PLAC8: variants seen among roughly 807,000 people sequenced by gnomAD.
PLAC8 encodes placenta associated 8, also known as placenta-specific gene 8 protein.
A neutral mutation model predicts 12.6 loss-of-function variants in PLAC8; 6 were observed. That is an observed-to-expected ratio of 0.48 (90% confidence interval 0.26 to 0.94). PLAC8 has a LOEUF of 0.94. Among genes scored for constraint, PLAC8 ranks in the 40% least tolerant of loss-of-function variants. The pLI is 0.14. For missense variants in PLAC8, 122 were observed against 152.7 expected (o/e 0.80, Z 1.06); for synonymous variants, 54 against 52.6 (o/e 1.03, Z -0.11).
chr4:83,111,196 T>A (rs1035555767), intron 1 of PLAC8, among the ~76,000 whole-genome samples: 2 of 152,214 alleles, frequency 1.3e-5, no homozygotes, highest in Admixed American at 1.3e-4. Context: ...CTTGAGCTCC[T>A]GGCCTCAAGT....
chr4:83,110,363 C>T (rs1019769335), intron 1 of PLAC8, among the ~76,000 whole-genome samples: 5 of 152,004 alleles, frequency 3.3e-5, no homozygotes, highest in Non-Finnish European at 4.4e-5. Flanking sequence ...CTCATGCCGC[C>T]AATCTCATGA....
intron 1 of PLAC8, among the ~76,000 whole-genome samples, chr4:83,110,071 G>T (rs1470527340): frequency 3.3e-5 from 5 of 152,032 alleles, no homozygotes. Flanking sequence ...AGCGGCAGGC[G>T]CCAGGAGCCG....
chr4:83,097,798 T>G (rs546447080), intron 3 of PLAC8, among the ~76,000 whole-genome samples: 1 of 151,956 alleles, frequency 6.6e-6, no homozygotes, highest in South Asian at 2.1e-4. Context: ...GGTAAAAGAT[T>G]ATAAGAAGGC....
rs777092085 is a variant in PLAC8 at position 83,107,773 on chromosome 4, A to C, written c.118+31T>G. 2.0e-5 allele frequency: 28 copies of C among 1,371,716 alleles called. No individual in the cohort carries two copies. In the Middle Eastern group the frequency reaches 1.3e-3, roughly 63 times the overall value. The allele number at this position is 1,371,716 out of a possible 1,614,324, so 85.0% of individuals were successfully genotyped here. A position where few individuals can be genotyped will look rare whatever the true frequency, so the allele number is the denominator to read the frequency against. ...GTCATTGGTAATTCACCTCGGTATC[A>C]AATAAGGGGGTTCTTTCCCCACACA... On this transcript the variant is annotated intron_variant, in intron 2 of 4. Transcript: ENST00000311507.
At chr4:83,110,502 A>G (rs1028648472) in intron 1 of PLAC8, among the ~76,000 whole-genome samples, 2 of 152,158 alleles carry the variant, frequency 1.3e-5, no homozygotes, top group African/African-American at 4.8e-5. Context: ...AAGGCAGGGG[A>G]TTTTGTGGGC....
intron 3 of PLAC8, among the ~76,000 whole-genome samples, chr4:83,100,956 T>C (rs556133533): frequency 4.3e-4 from 65 of 152,274 alleles, no homozygotes; most frequent in South Asian, 2.5e-3. Flanking sequence ...ACAACCTTAT[T>C]GCTAATCTGG....
chr4:83,096,540 T>TAATC (rs1731930754), intron 3 of PLAC8, among the ~76,000 whole-genome samples: 1 of 152,230 alleles, frequency 6.6e-6, no homozygotes, highest in African/African-American at 2.4e-5. Context: ...AATAACAATC[T>TAATC]AATCCCTTTC....
At chr4:83,103,084 TAA>T (rs34047201) in intron 3 of PLAC8, among the ~76,000 whole-genome samples, 7 of 125,638 alleles carry the variant, frequency 5.6e-5, no homozygotes, top group Admixed American at 1.6e-4. Context: ...AGACTCCCTT[TAA>T]AAAAAAAAAA....
At chr4:83,098,210 G>C (rs772461565) in intron 3 of PLAC8, among the ~76,000 whole-genome samples, 40 of 152,118 alleles carry the variant, frequency 2.6e-4, no homozygotes, top group Non-Finnish European at 5.1e-4. Flanking sequence ...GAAACTGAAG[G>C]TTTAAGCAAA....
At chr4:83,093,851 T>C (rs1426645285) in intron 4 of PLAC8, 1 of 152,224 alleles carries the variant, frequency 6.6e-6, no homozygotes, top group Non-Finnish European at 1.5e-5. Context: ...ATACATTAGT[T>C]GCTAAGATAA....
chr4:83,101,954 A>C (rs1732110886), intron 3 of PLAC8, among the ~76,000 whole-genome samples: 1 of 152,236 alleles, frequency 6.6e-6, no homozygotes, highest in Admixed American at 6.5e-5. Flanking sequence ...TCACAAAGAA[A>C]GATTATTTTC....
intron 2 of PLAC8, among the ~76,000 whole-genome samples, 184 bp downstream of exon 2, chr4:83,107,620 C>CTGTTTTTTT (rs1732286427): frequency 7.2e-5 from 1 of 13,856 alleles, no homozygotes; most frequent in African/African-American, 1.6e-4. Flanking sequence ...CATACGGAGG[C>CTGTTTTTTT]TTTTTTTTTT....
intron 3 of PLAC8, among the ~76,000 whole-genome samples, chr4:83,095,329 G>A (rs1017220124): frequency 6.6e-6 from 1 of 152,200 alleles, no homozygotes; most frequent in Non-Finnish European, 1.5e-5. Context: ...AAACATCTAT[G>A]TGTTGAAGTT....
chr4:83,106,951 G>A (rs1732256817), intron 2 of PLAC8, among the ~76,000 whole-genome samples: 1 of 152,120 alleles, frequency 6.6e-6, no homozygotes, highest in Non-Finnish European at 1.5e-5. Context: ...TGTAATCCCA[G>A]TACTTTGGGA....
intron 3 of PLAC8, among the ~76,000 whole-genome samples, chr4:83,101,034 C>T (rs577844954): frequency 6.6e-6 from 1 of 152,272 alleles, no homozygotes; most frequent in African/African-American, 2.4e-5. Context: ...AAAGCCTAAT[C>T]CACAGCAAGG....
chr4:83,101,596 C>CAATGAA (rs1732104031), intron 3 of PLAC8, among the ~76,000 whole-genome samples: 1 of 152,114 alleles, frequency 6.6e-6, no homozygotes, highest in African/African-American at 2.4e-5. Context: ...AACAGATTTT[C>CAATGAA]AATGAAAATG....
At chr4:83,111,597 T>C (rs1452371927) in intron 1 of PLAC8, among the ~76,000 whole-genome samples, 1 of 152,214 alleles carries the variant, frequency 6.6e-6, no homozygotes, top group Non-Finnish European at 1.5e-5. Context: ...TGGTATTCAA[T>C]AAATAAAGAT....
intron 3 of PLAC8, among the ~76,000 whole-genome samples, chr4:83,097,533 A>T (rs766753205): frequency 1.3e-5 from 2 of 152,108 alleles, no homozygotes; most frequent in African/African-American, 2.4e-5. Context: ...TGATTTACCT[A>T]CTTTGGAGGC....
intron 4 of PLAC8, chr4:83,093,559 T>C (rs561700698): frequency 6.6e-6 from 1 of 152,238 alleles, no homozygotes; most frequent in Non-Finnish European, 1.5e-5. Context: ...CTGTTTCTTG[T>C]TGAGAACTAA....
Sources: gnomAD v4.1 joint callset for allele counts (sites outside exome capture counted in the v4.1 genomes callset) on GRCh38, gnomAD v4.1.1 for gene constraint, MANE v1.5 for transcripts, NCBI Gene and HGNC (gene_info 2026-07-23, HGNC 2026-07-21) for gene names.